The following HS3ST5 variants were observed in gnomAD, a reference collection of about 807,000 sequenced individuals.
HS3ST5 encodes heparan sulfate-glucosamine 3-sulfotransferase 5.
A neutral mutation model predicts 25.4 loss-of-function variants in HS3ST5; 10 were observed. The ratio of observed to expected loss-of-function variants is 0.39; its 90% confidence interval spans 0.24 to 0.67. The LOEUF is 0.67. Among genes scored for constraint, HS3ST5 ranks in the 30% least tolerant of loss-of-function variants. The probability of loss-of-function intolerance (pLI) is 0.44; values close to 1 mark genes in which losing one functional copy is unlikely to be tolerated. For missense variants in HS3ST5, 324 were observed against 420.7 expected (o/e 0.77, Z 2.01); for synonymous variants, 170 against 162.4 (o/e 1.05, Z -0.36).
chr6:114,293,261 C>T (rs1429226408), intron 1 of HS3ST5, among the ~76,000 whole-genome samples: 1 of 152,056 alleles, frequency 6.6e-6, no homozygotes, highest in African/African-American at 2.4e-5. Context: ...GAAAGAGCAC[C>T]AAGTGTTCAG....
intron 3 of HS3ST5, among the ~76,000 whole-genome samples, chr6:114,082,765 G>A (rs2114768020): frequency 6.6e-6 from 1 of 152,172 alleles, no homozygotes; most frequent in South Asian, 2.1e-4. Flanking sequence ...TCGATTACCT[G>A]CTCCACCCTG....
intron 2 of HS3ST5, among the ~76,000 whole-genome samples, chr6:114,176,437 T>C (rs1205030426): frequency 1.3e-5 from 2 of 152,230 alleles, no homozygotes; most frequent in East Asian, 3.8e-4. Context: ...GGGTACCTTG[T>C]AGGAAAAAGC....
At chr6:114,292,007 A>G (rs1774599557) in intron 1 of HS3ST5, among the ~76,000 whole-genome samples, 1 of 152,192 alleles carries the variant, frequency 6.6e-6, no homozygotes, top group Non-Finnish European at 1.5e-5. Context: ...ACTAGCTAAT[A>G]TGGTTTATAG....
intron 2 of HS3ST5, among the ~76,000 whole-genome samples, chr6:114,183,117 G>A (rs2115027682): frequency 6.6e-6 from 1 of 152,110 alleles, no homozygotes; most frequent in African/African-American, 2.4e-5. Context: ...GCAGATCATG[G>A]GACTTCTCAA....
At chr6:114,206,091 A>T (rs1442383780) in intron 2 of HS3ST5, among the ~76,000 whole-genome samples, 1 of 152,178 alleles carries the variant, frequency 6.6e-6, no homozygotes, top group Non-Finnish European at 1.5e-5. Context: ...TGAGTCATCT[A>T]ATTAACAGAC....
At chr6:114,194,488 T>C (rs1276126172) in intron 2 of HS3ST5, among the ~76,000 whole-genome samples, 3 of 152,134 alleles carry the variant, frequency 2.0e-5, no homozygotes, top group African/African-American at 7.2e-5. Flanking sequence ...AAACCAGCCC[T>C]TTCAAAAGAC....
intron 1 of HS3ST5, among the ~76,000 whole-genome samples, chr6:114,312,272 G>T (rs1375945885): frequency 4.6e-5 from 7 of 152,136 alleles, no homozygotes; most frequent in Non-Finnish European, 1.0e-4. Flanking sequence ...AAAAACTGAT[G>T]CTTGTCTGAA....
intron 3 of HS3ST5, among the ~76,000 whole-genome samples, chr6:114,154,937 G>A (rs1249042105): frequency 3.9e-5 from 6 of 151,952 alleles, no homozygotes; most frequent in Admixed American, 6.6e-5. Flanking sequence ...TATCTTTCCC[G>A]ATTGCTCTGG....
At chr6:114,331,838 T>C (rs1480251811) in intron 1 of HS3ST5, among the ~76,000 whole-genome samples, 1 of 152,112 alleles carries the variant, frequency 6.6e-6, no homozygotes, top group Non-Finnish European at 1.5e-5. Context: ...TTTTCCATTT[T>C]GGTCATGGTA....
intron 3 of HS3ST5, among the ~76,000 whole-genome samples, chr6:114,119,137 G>A (rs1286566446): frequency 6.6e-6 from 1 of 152,128 alleles, no homozygotes; most frequent in East Asian, 1.9e-4. Context: ...ATAAGAAGAG[G>A]CACACAGTGA....
intron 2 of HS3ST5, among the ~76,000 whole-genome samples, chr6:114,223,158 ATT>A (rs914868565): frequency 4.8e-4 from 72 of 151,560 alleles, no homozygotes; most frequent in African/African-American, 1.6e-3. Context: ...TATTTTTTTC[ATT>A]TTAATAGGAG....
At chr6:114,257,460 C>T (rs915502214) in intron 1 of HS3ST5, among the ~76,000 whole-genome samples, 9 of 152,128 alleles carry the variant, frequency 5.9e-5, no homozygotes, top group Non-Finnish European at 1.2e-4. Flanking sequence ...GGTTAAATAA[C>T]TTATACAAAG....
chr6:114,097,799 T>C (rs1306488828), intron 3 of HS3ST5, among the ~76,000 whole-genome samples: 2 of 151,950 alleles, frequency 1.3e-5, no homozygotes, highest in Non-Finnish European at 2.9e-5. Flanking sequence ...TTTTCTGGTT[T>C]CCCATCTCAG....
At chr6:114,254,614 G>A (rs923631949) in intron 1 of HS3ST5, among the ~76,000 whole-genome samples, 1 of 152,140 alleles carries the variant, frequency 6.6e-6, no homozygotes, top group African/African-American at 2.4e-5. Flanking sequence ...AGAAAAAGAG[G>A]TTTAATGGAC....
intron 2 of HS3ST5, among the ~76,000 whole-genome samples, chr6:114,221,992 CA>C (rs35881200): frequency 0.42 from 64,402 of 151,612 alleles, 14,642 homozygotes; most frequent in South Asian, 0.65. Flanking sequence ...GTATGAATAT[CA>C]AATGTAGAGA....
At chr6:114,271,957 A>G (rs554236425) in intron 1 of HS3ST5, among the ~76,000 whole-genome samples, 8 of 152,276 alleles carry the variant, frequency 5.3e-5, no homozygotes, top group African/African-American at 1.9e-4. Context: ...TTCTCAATAT[A>G]TTAGCAAAGC....
chr6:114,278,490 G>A (rs1189702437), intron 1 of HS3ST5, among the ~76,000 whole-genome samples: 1 of 151,930 alleles, frequency 6.6e-6, no homozygotes, highest in Non-Finnish European at 1.5e-5. Flanking sequence ...TAGAAATTAA[G>A]AGAAATGTGA....
At chr6:114,315,813 T>G (rs543836613) in intron 1 of HS3ST5, among the ~76,000 whole-genome samples, 8 of 152,330 alleles carry the variant, frequency 5.3e-5, no homozygotes, top group African/African-American at 1.9e-4. Flanking sequence ...TTTTTTCTTA[T>G]CTGCACTTTG....
chr6:114,335,490 A>G (rs1009489347), intron 1 of HS3ST5, among the ~76,000 whole-genome samples: 1 of 152,172 alleles, frequency 6.6e-6, no homozygotes, highest in African/African-American at 2.4e-5. Flanking sequence ...TATCAGATAT[A>G]AAGACAAATA....
Sources: allele counts gnomAD v4.1 joint callset (sites outside exome capture counted in the v4.1 genomes callset), GRCh38; gene constraint gnomAD v4.1.1; transcripts MANE v1.5; gene names NCBI Gene and HGNC (gene_info 2026-07-23, HGNC 2026-07-21).